The following ADCY3 variants were observed in gnomAD, a reference collection of about 807,000 sequenced individuals.
ADCY3 encodes the protein adenylate cyclase type 3.
In ADCY3, 70 loss-of-function variants were observed where a neutral mutation model predicts 119.4. That is an observed-to-expected ratio of 0.59 (90% CI 0.48 to 0.72). The LOEUF (loss-of-function observed/expected upper bound fraction) is 0.72, where lower values mean the gene tolerates loss of function less well. ADCY3 is among the 30% of genes least tolerant of loss of function. The probability of loss-of-function intolerance (pLI) is 0.00; values close to 1 mark genes in which losing one functional copy is unlikely to be tolerated. For synonymous variants in ADCY3, 672 were observed against 621.4 expected (o/e 1.08, Z -1.21); for missense variants, 1,238 against 1,541.6 (o/e 0.80, Z 3.30).
chr2:24,830,110 G>A (rs969913227), intron 13 of ADCY3, among the ~76,000 whole-genome samples: 4 of 141,520 alleles, frequency 2.8e-5, no homozygotes, highest in Admixed American at 1.5e-4. Context: ...GCTCAATCTC[G>A]GCTCACTGCA....
At position 24,918,278 on chromosome 2, in the gene ADCY3, G is replaced by GA; in HGVS notation, c.675+34dup. 1 of 1,521,050 alleles carries GA rather than the reference G, an allele frequency of 6.6e-7. No individual in the cohort carries two copies. Among genetic ancestry groups the GA allele is most frequent in the Non-Finnish European group, 8.8e-7 (1 of 1,136,358 alleles). The allele number at this position is 1,521,050 out of a possible 1,614,324, so 94.2% of individuals were successfully genotyped here. ...TCCCAAGTTGGTGAGAGCTGCAGGA[G>GA]AGGACGCTGTGGGGGGACAGTGGGC... On this transcript the variant is annotated intron_variant, in intron 2 of 21. Coordinates refer to ENST00000679454, the MANE Select transcript of ADCY3 (RefSeq NM_004036.5). The surrounding 1 kb of genome is among the most constrained non-coding windows in gnomAD (Gnocchi z 5.4).
At chr2:24,838,804 T>G (rs1022692026) in intron 7 of ADCY3, 182 bp from the exon 8 acceptor site, 1 of 1,605,558 alleles carries the variant, frequency 6.2e-7, no homozygotes, top group African/African-American at 1.3e-5. Context: ...GCTAACTAGC[T>G]GTGTGGGCCG....
Position 24,824,524 on chromosome 2 carries a change from C to A in ADCY3, c.2590G>T (p.Ala864Ser). The change falls in exon 17 of 22, where the codon GCA (alanine) becomes TCA (serine). Residue 864 changes from alanine (A) to serine (S), a missense_variant. Coordinates refer to ENST00000679454, the MANE Select transcript of ADCY3 (RefSeq NM_004036.5). ...ATCTTCCACAAGAAAAGTGTCCGTGCCAGTTTTTCTACCTACAGACACAGA... is the reference window on the plus strand; with the variant it reads ...ATCTTCCACAAGAAAAGTGTCCGTGACAGTTTTTCTACCTACAGACACAGA... ...YYFSRHVEKLARTLFLWKIEV... is the reference protein window; with the variant it reads ...YYFSRHVEKLSRTLFLWKIEV... 1 of 1,614,130 alleles carries A rather than the reference C, an allele frequency of 6.2e-7. No individual in the cohort carries two copies. The highest frequency in any genetic ancestry group is 8.5e-7 in the Non-Finnish European group (1 of 1,179,958).
chr2:24,841,215 GGCCCTTGC>G lies in ADCY3; in HGVS notation c.1196+36_1196+43del. 6.5e-7 allele frequency: 1 copy of G among 1,527,046 alleles called. No individual in the cohort carries two copies. The highest frequency in any genetic ancestry group is 8.8e-7 in the Non-Finnish European group (1 of 1,135,622). 94.6% of individuals were successfully genotyped at this position (1,527,046 alleles called of 1,614,324 possible). On this transcript the variant is annotated intron_variant, in intron 6 of 21. Coordinates refer to ENST00000679454, the MANE Select transcript of ADCY3 (RefSeq NM_004036.5). This position sits in a 1 kb window ranked among gnomAD's most constrained non-coding sequence, Gnocchi z 5.8. Reference sequence around the variant, plus strand: ...TGCTTCTCCCTGGGTCCAGGGCCGGGGCCCTTGCTCTGGGAGCCTCCCTCCCAGAGGCA... The same window carrying G: ...TGCTTCTCCCTGGGTCCAGGGCCGGGTCTGGGAGCCTCCCTCCCAGAGGCA...
At chr2:24,846,692 C>T (rs1671691513) in intron 3 of ADCY3, among the ~76,000 whole-genome samples, 1 of 151,914 alleles carries the variant, frequency 6.6e-6, no homozygotes, top group Non-Finnish European at 1.5e-5. Context: ...AATTCTCCTG[C>T]TTCAGCCTCC....
Position 24,918,351 on chromosome 2 carries a change from G to C in ADCY3, c.637C>G (p.Gln213Glu), listed in dbSNP as rs747209417. Residue 213 changes from glutamine (Q) to glutamate (E), a missense_variant, in exon 2 of 22, where the codon CAG (glutamine) becomes GAG (glutamate). Coordinates refer to ENST00000679454, the MANE Select transcript of ADCY3 (RefSeq NM_004036.5). The surrounding 1 kb of genome is among the most constrained non-coding windows in gnomAD (Gnocchi z 5.4). ...LVLGVTVAQQQQEELKGMQLL... is the reference protein window; with the variant it reads ...LVLGVTVAQQEQEELKGMQLL... ...TGCATCCCCTTGAGCTCCTCCTGCT[G>C]CTGCTGGGCCACGGTGACCCCCAGG... 6.3e-7 allele frequency: 1 copy of C among 1,597,276 alleles called. No individual in the cohort carries two copies.
At chr2:24,897,221 C>T (rs1400164349) in intron 2 of ADCY3, among the ~76,000 whole-genome samples, 1 of 151,736 alleles carries the variant, frequency 6.6e-6, no homozygotes, top group Admixed American at 6.6e-5. Context: ...CAGCCACACC[C>T]TCCTCCTCCT....
At chr2:24,851,725 T>C (rs1322232073) in intron 3 of ADCY3, among the ~76,000 whole-genome samples, 2 of 152,228 alleles carry the variant, frequency 1.3e-5, no homozygotes, top group Non-Finnish European at 2.9e-5. Flanking sequence ...TGGATCCTTC[T>C]GCTCTTAAGG....
intron 2 of ADCY3, among the ~76,000 whole-genome samples, chr2:24,882,717 G>A (rs184373481): frequency 2.0e-4 from 31 of 152,280 alleles, no homozygotes; most frequent in African/African-American, 6.3e-4. Flanking sequence ...ACTGGGCCCT[G>A]GAGATTATAA....
At chr2:24,848,016 T>C (rs1305976243) in intron 3 of ADCY3, among the ~76,000 whole-genome samples, 1 of 152,218 alleles carries the variant, frequency 6.6e-6, no homozygotes, top group Non-Finnish European at 1.5e-5. Context: ...AGTGCTGGCC[T>C]GGCTCAGCCC....
At chr2:24,871,039 T>C (rs555059363) in intron 3 of ADCY3, among the ~76,000 whole-genome samples, 5 of 152,010 alleles carry the variant, frequency 3.3e-5, no homozygotes, top group African/African-American at 1.2e-4. Flanking sequence ...GATTGTACAA[T>C]ATGAGACAGA....
At chr2:24,890,837 C>A (rs1677567807) in intron 2 of ADCY3, among the ~76,000 whole-genome samples, 1 of 152,024 alleles carries the variant, frequency 6.6e-6, no homozygotes, top group Non-Finnish European at 1.5e-5. Flanking sequence ...AAGGTTTAAG[C>A]TTCTAAGGTA....
chr2:24,877,058 G>A (rs567732720), intron 2 of ADCY3, among the ~76,000 whole-genome samples: 1 of 152,288 alleles, frequency 6.6e-6, no homozygotes, highest in East Asian at 1.9e-4. Context: ...GCCCTGCAGA[G>A]ACCTCCCATC....
In ADCY3 at chr2:24,838,707, C is replaced by T. The variant is rs1013037212; in HGVS notation, c.1356-85G>A. The T allele has an allele frequency of 2.5e-6, 4 of 1,592,128 alleles. No homozygotes were observed. The African/African-American group carries it at 5.4e-5, about 21-fold the overall frequency. On this transcript the variant is annotated intron_variant, in intron 7 of 21. Transcript: ENST00000679454. ...GGACAGTCCACGGACCACGGCTGCACCGGCTGCTGCTCGGCCCCGTGTCTC... is the reference window on the plus strand; with the variant it reads ...GGACAGTCCACGGACCACGGCTGCATCGGCTGCTGCTCGGCCCCGTGTCTC...
chr2:24,824,672 T>G (rs1460645190), intron 16 of ADCY3, 136 bp from the exon 17 acceptor site: 1 of 893,848 alleles, frequency 1.1e-6, no homozygotes, highest in African/African-American at 1.7e-5. Context: ...GCGGATCACC[T>G]GAGGTCAGGA....
chr2:24,910,897 G>A (rs936233277), intron 2 of ADCY3, among the ~76,000 whole-genome samples: 7 of 152,014 alleles, frequency 4.6e-5, no homozygotes, highest in East Asian at 1.9e-4. Flanking sequence ...CACCCACCTC[G>A]GCCTTCCAAA....
rs35609705 is a variant in ADCY3, at chr2:24,868,852, T to TAA, written c.825+3716_825+3717dup. Among the ~76,000 whole-genome samples the TAA allele has an allele frequency of 4.9e-3, 709 of 144,426 alleles. 12 individuals are homozygous for TAA. Among genetic ancestry groups the TAA allele is most frequent in the African/African-American group, 0.017 (650 of 39,196 alleles). The allele number at this position is 144,426 out of a possible 152,430, so 94.7% of individuals were successfully genotyped here. A position where few individuals can be genotyped will look rare whatever the true frequency, so the allele number is the denominator to read the frequency against. On this transcript the variant is annotated intron_variant, in intron 3 of 21. Transcript: ENST00000679454. ...TAACATGGTGAAACCCCACCTCTAC[T>TAA]AAAAAAAAAAAATACAAAAAAATTA...
intron 2 of ADCY3, among the ~76,000 whole-genome samples, chr2:24,880,346 T>C (rs1676241434): frequency 6.6e-6 from 1 of 152,126 alleles, no homozygotes; most frequent in Non-Finnish European, 1.5e-5. Context: ...ACACGGAACA[T>C]GGCGGCCTTG....
chr2:24,904,591 T>C (rs1679262446), intron 2 of ADCY3, among the ~76,000 whole-genome samples: 1 of 152,168 alleles, frequency 6.6e-6, no homozygotes, highest in Non-Finnish European at 1.5e-5. Flanking sequence ...GTGGAAAGCA[T>C]ATTCTCTCCG....
Sources: allele counts gnomAD v4.1 joint callset (sites outside exome capture counted in the v4.1 genomes callset), GRCh38; gene constraint gnomAD v4.1.1; non-coding constraint Gnocchi (gnomAD v3.1); transcripts MANE v1.5; gene names NCBI Gene and HGNC (gene_info 2026-07-23, HGNC 2026-07-21).